ART5: variants seen among roughly 807,000 people sequenced by gnomAD.
ART5 encodes the protein ecto-ADP-ribosyltransferase 5.
In ART5, 22 loss-of-function variants were observed where a neutral mutation model predicts 25.0. The ratio of observed to expected loss-of-function variants is 0.88; its 90% CI spans 0.63 to 1.26. The LOEUF (loss-of-function observed/expected upper bound fraction) is 1.26, where lower values mean the gene tolerates loss of function less well. ART5 is among the 50% of genes most tolerant of loss of function. The pLI is 0.00. For missense variants in ART5, 402 were observed against 372.8 expected, an observed-to-expected ratio of 1.08 and a Z score of -0.64; for synonymous variants, 161 against 154.8, an observed-to-expected ratio of 1.04 and a Z score of -0.30.
intron 1 of ART5, among the ~76,000 whole-genome samples, chr11:3,640,874 T>C (rs1477514995): frequency 2.6e-5 from 4 of 152,196 alleles, no homozygotes; most frequent in Non-Finnish European, 5.9e-5. Context: ...CCCAAGTAGC[T>C]AGGATTACAG....
At chr11:3,642,153 G>C (rs1404588151), upstream of ART5, 20 of 1,277,202 alleles carry the variant, frequency 1.6e-5, no homozygotes, top group Non-Finnish European at 1.7e-5. Context: ...GCCTGAGAGG[G>C]GAGGGCCGGG....
chr11:3,642,319 C>T, upstream of ART5: 2 of 1,001,590 alleles, frequency 2.0e-6, no homozygotes, highest in Non-Finnish European at 2.4e-6. Context: ...AACCCGACAC[C>T]CCTTTCCCAG....
rs2077345808 is a variant in ART5 at position 3,638,559 on chromosome 11, CAT to C, written c.*177_*178del. The C allele has an allele frequency of 1.4e-6, 1 of 699,326 alleles. No individual in the cohort carries two copies. The highest frequency in any genetic ancestry group is 2.5e-6 in the Non-Finnish European group (1 of 405,900). 43.3% of individuals were successfully genotyped at this position (699,326 alleles called of 1,614,324 possible). ...TCACGTAGCTACCTCAATAAAACTC[CAT>C]GTCTCCACATTGCAACACCGTTCAA... On this transcript the variant is annotated 3_prime_UTR_variant, in exon 4 of 4. Transcript: ENST00000397068.
At position 3,640,102 on chromosome 11, in the gene ART5, C is replaced by T. The variant is rs2077372803; in HGVS notation, c.327G>A (p.Glu109=). 6.2e-7 allele frequency: 1 copy of T among 1,614,124 alleles called. No individual in the cohort carries two copies. The highest frequency in any genetic ancestry group is 1.1e-5 in the South Asian group (1 of 91,092). ...YTNSSNTLYW[E]LNQAVRTGGG... is the part of the protein sequence containing the mutation. ...CGCCCGTCCGCACGGCCTGATTCAA[C>T]TCCCAGTACAAGGTGTTCGATGAGT... Residue 109 remains glutamate (E), a synonymous_variant, in exon 2 of 4, where the codon GAG becomes GAA. Transcript: ENST00000397068.
intron 3 of ART5, 99 bp downstream of exon 3, chr11:3,638,904 G>A (rs1280281913): frequency 4.4e-6 from 7 of 1,603,670 alleles, no homozygotes; most frequent in African/African-American, 1.3e-5. Flanking sequence ...CTCAGATTGT[G>A]ACCCTAGCTG....
In ART5 at chr11:3,641,754, G is replaced by A. The variant is rs373518516; in HGVS notation, c.57+52C>T. The A allele has an allele frequency of 9.1e-5, 141 of 1,554,388 alleles. No homozygotes were observed. In the African/African-American group the frequency reaches 1.8e-3, roughly 20 times the overall value. ...GTCAGCCCCGGGTCCACTTCCTCAG[G>A]GTCTGTCCCTTAATGTCCCCCTTGG... On this transcript the variant is annotated intron_variant, in intron 1 of 3. Coordinates refer to ENST00000397068, the MANE Select transcript of ART5 (RefSeq NM_053017.5).
chr11:3,641,108 T>C (rs2077389548), intron 1 of ART5, among the ~76,000 whole-genome samples: 1 of 152,166 alleles, frequency 6.6e-6, no homozygotes, highest in African/African-American at 2.4e-5. Context: ...TTTTCTGGAC[T>C]TGAGGATACT....
Position 3,640,346 on chromosome 11 carries a change from AG to A in ART5, c.82del (p.Leu28TrpfsTer27). 1 of 1,466,746 alleles carries A rather than the reference AG, an allele frequency of 6.8e-7. No homozygotes were observed. The highest frequency in any genetic ancestry group is 9.0e-7 in the Non-Finnish European group (1 of 1,110,570). The allele number at this position is 1,466,746 out of a possible 1,614,324, so 90.9% of individuals were successfully genotyped here. A position where few individuals can be genotyped will look rare whatever the true frequency, so the allele number is the denominator to read the frequency against. On this transcript the variant is annotated frameshift_variant, in exon 2 of 4. Coordinates refer to ENST00000397068, the MANE Select transcript of ART5 (RefSeq NM_053017.5). LOFTEE classifies it high-confidence loss of function. The stretch of plus-strand genomic sequence containing the variant: ...GTCAAAGGTGTCTGGAGCCAGGCCC[AG>A]GGGCAGGATGGGAACAGCCTGGGCC... ...WQAQAVPILPLGLAPDTFDDT... is the reference protein window; with the variant it reads ...WQAQAVPILPXGLAPDTFDDT...
chr11:3,639,066 G>T (rs757862740), intron 2 of ART5, 31 bp from the exon 3 acceptor site: 1 of 1,549,794 alleles, frequency 6.5e-7, no homozygotes, highest in African/African-American at 1.4e-5. Context: ...AGGCCTCCGC[G>T]TGGACAGACT....
chr11:3,639,098 A>G (rs1412336981), intron 2 of ART5, 63 bp from the exon 3 acceptor site: 2 of 1,527,498 alleles, frequency 1.3e-6, no homozygotes, highest in South Asian at 1.2e-5. Flanking sequence ...TGCCTGGCCC[A>G]CCAGGCCCTG....
chr11:3,638,906 C>A, intron 3 of ART5, 97 bp downstream of exon 3: 5 of 1,603,248 alleles, frequency 3.1e-6, no homozygotes, highest in Non-Finnish European at 4.3e-6. Flanking sequence ...CAGATTGTGA[C>A]CCTAGCTGCA....
chr11:3,640,437 G>C (rs1228530288), intron 1 of ART5, 66 bp from the exon 2 acceptor site: 14 of 1,491,486 alleles, frequency 9.4e-6, no homozygotes, highest in Non-Finnish European at 1.2e-5. Context: ...ATGGGTCCTG[G>C]GGGCAAACCC....
At chr11:3,642,312 C>A (rs1457910304), upstream of ART5, 16 of 1,005,344 alleles carry the variant, frequency 1.6e-5, no homozygotes, top group African/African-American at 3.5e-5. Flanking sequence ...CGCTGGTAAC[C>A]CGACACCCCT....
At chr11:3,639,520 T>C in intron 2 of ART5, 122 bp downstream of exon 2, 1 of 1,418,318 alleles carries the variant, frequency 7.1e-7, no homozygotes, top group African/African-American at 1.4e-5. Context: ...CCAGCTGACT[T>C]CCAGCCCTCA....
intron 1 of ART5, 78 bp downstream of exon 1, chr11:3,641,728 A>G (rs1454065500): frequency 1.3e-6 from 2 of 1,542,036 alleles, no homozygotes; most frequent in Non-Finnish European, 1.8e-6. Flanking sequence ...GGATGTGAGG[A>G]GTCAGCCCCG....
Position 3,641,880 on chromosome 11 carries a change from G to T in ART5, c.-18C>A. 1 of 1,561,720 alleles carries T rather than the reference G, an allele frequency of 6.4e-7. No individual in the cohort carries two copies. On this transcript the variant is annotated 5_prime_UTR_variant, in exon 1 of 4. Coordinates refer to ENST00000397068, the MANE Select transcript of ART5 (RefSeq NM_053017.5). ...AGCGCCATCCCTGGAGGAGACGTGA[G>T]GGCCAGGGGTCCGGGTGAGGGCGGG...
chr11:3,640,123 T>C lies in ART5; in HGVS notation c.306A>G (p.Ser102=), dbSNP rs549358265. Residue 102 remains serine, a synonymous_variant, in exon 2 of 4, where the codon TCA becomes TCG. Transcript: ENST00000397068. ...TCAACTCCCAGTACAAGGTGTTCGA[T>C]GAGTTGGTGTAGACCATAATGGCTA... ...NGIAIMVYTN[S]SNTLYWELNQ... is the part of the protein sequence containing the mutation. 12 of 1,613,798 alleles carry C rather than the reference T, an allele frequency of 7.4e-6. No homozygotes were observed. Among genetic ancestry groups the C allele is most frequent in the Non-Finnish European group, 1.0e-5 (12 of 1,179,836 alleles).
In ART5 at chr11:3,641,907, C is replaced by T. The variant is rs765457046; in HGVS notation, c.-45G>A. ...GCCAGGGGTCCGGGTGAGGGCGGGA[C>T]CAGAGGTGCTGGAGTCCTGGTTTCG... On this transcript the variant is annotated 5_prime_UTR_variant, in exon 1 of 4. Transcript: ENST00000397068. The T allele has an allele frequency of 2.4e-5, 37 of 1,549,074 alleles. No homozygotes were observed. Among genetic ancestry groups the T allele is most frequent in the Non-Finnish European group, 3.2e-5 (37 of 1,148,442 alleles).
chr11:3,639,260 G>A (rs1242105143), intron 2 of ART5, among the ~76,000 whole-genome samples: 1 of 151,940 alleles, frequency 6.6e-6, no homozygotes, highest in African/African-American at 2.4e-5. Context: ...ATCTCTCCCT[G>A]CCTTAGCACT....
Sources: gnomAD v4.1 joint callset for allele counts (sites outside exome capture counted in the v4.1 genomes callset) on GRCh38, gnomAD v4.1.1 for gene constraint, MANE v1.5 for transcripts, NCBI Gene and HGNC (gene_info 2026-07-23, HGNC 2026-07-21) for gene names.